MAPKAP1: variants seen among roughly 807,000 people sequenced by gnomAD.
The protein encoded by MAPKAP1 is target of rapamycin complex 2 subunit MAPKAP1.
MAPKAP1 carries 20 observed loss-of-function variants against 65.7 expected under a neutral mutation model. That is an observed-to-expected ratio of 0.30 (90% CI 0.21 to 0.44). The LOEUF (loss-of-function observed/expected upper bound fraction) is 0.44. Among genes scored for constraint, MAPKAP1 ranks in the 20% least tolerant of loss-of-function variants. MAPKAP1 has a pLI of 1.00. For missense variants in MAPKAP1, 423 were observed against 648.0 expected, an observed-to-expected ratio of 0.65 and a Z score of 3.77; for synonymous variants, 222 against 244.3, an observed-to-expected ratio of 0.91 and a Z score of 0.85.
At chr9:125,680,378 C>A (rs929688776) in intron 1 of MAPKAP1, among the ~76,000 whole-genome samples, 1 of 152,038 alleles carries the variant, frequency 6.6e-6, no homozygotes, top group Non-Finnish European at 1.5e-5. Context: ...TCCTGGAATT[C>A]GAAAATAATT....
intron 4 of MAPKAP1, among the ~76,000 whole-genome samples, chr9:125,645,049 A>G (rs1158412206): frequency 6.6e-6 from 1 of 152,192 alleles, no homozygotes; most frequent in African/African-American, 2.4e-5. Context: ...TTGAAGACAA[A>G]CAAATTCATT....
intron 7 of MAPKAP1, among the ~76,000 whole-genome samples, chr9:125,532,910 A>T (rs1829972708): frequency 6.6e-6 from 1 of 152,254 alleles, no homozygotes; most frequent in Non-Finnish European, 1.5e-5. Flanking sequence ...GTTGATGACA[A>T]AGCAATCAGG....
Position 125,500,058 on chromosome 9 carries a change from G to A in MAPKAP1, c.1066+6252C>T, listed in dbSNP as rs528840066. Reference sequence around the variant, plus strand: ...CTGCATAGTAGTTAAAAAGAAATTGGTGAATTTATATGTGGAACAATATGA... The same window carrying A: ...CTGCATAGTAGTTAAAAAGAAATTGATGAATTTATATGTGGAACAATATGA... On this transcript the variant is annotated intron_variant, in intron 8 of 11. Coordinates refer to ENST00000265960, the MANE Select transcript of MAPKAP1 (RefSeq NM_001006617.3). Among the ~76,000 whole-genome samples the A allele has an allele frequency of 1.2e-4, 18 of 152,230 alleles. No homozygotes were observed. The South Asian group carries it at 3.5e-3, about 30-fold the overall frequency.
intron 4 of MAPKAP1, among the ~76,000 whole-genome samples, chr9:125,622,190 G>A (rs1031702084): frequency 2.4e-4 from 37 of 152,288 alleles, no homozygotes; most frequent in African/African-American, 8.4e-4. Flanking sequence ...TAGCTAGATA[G>A]GAGGAATGAG....
Position 125,447,723 on chromosome 9 carries a change from G to C in MAPKAP1, c.1346-3125C>G, listed in dbSNP as rs1338266891. Among the ~76,000 whole-genome samples the C allele has an allele frequency of 6.6e-6, 1 of 152,162 alleles. No homozygotes were observed. The highest frequency in any genetic ancestry group is 1.5e-5 in the Non-Finnish European group (1 of 68,036). ...GATGAGCGTGAAGAAGGTAAACGCA[G>C]GGAGCTGCCGTGGAGACACCAAGGC... On this transcript the variant is annotated intron_variant, in intron 10 of 11. Coordinates refer to ENST00000265960, the MANE Select transcript of MAPKAP1 (RefSeq NM_001006617.3). The surrounding 1 kb of genome is among the most constrained non-coding windows in gnomAD (Gnocchi z 4.5).
intron 7 of MAPKAP1, among the ~76,000 whole-genome samples, chr9:125,533,869 T>C (rs7850875): frequency 0.02 from 3,038 of 152,356 alleles, 48 homozygotes; most frequent in Middle Eastern, 0.041. Context: ...TCAAACAAGA[T>C]TGTTCACTGC....
At chr9:125,630,134 C>T (rs143791652) in intron 4 of MAPKAP1, among the ~76,000 whole-genome samples, 2 of 152,118 alleles carry the variant, frequency 1.3e-5, no homozygotes, top group East Asian at 3.9e-4. Flanking sequence ...ATCTCTGAGA[C>T]AGTCAAGGGT....
At chr9:125,611,545 T>C (rs1199056980) in intron 4 of MAPKAP1, among the ~76,000 whole-genome samples, 2 of 152,180 alleles carry the variant, frequency 1.3e-5, no homozygotes, top group African/African-American at 4.8e-5. Context: ...TTTTCCAGAA[T>C]GATGAAAGAC....
chr9:125,673,525 CTG>C lies in MAPKAP1; in HGVS notation c.-69-884_-69-883del, dbSNP rs1383983270. Among the ~76,000 whole-genome samples the C allele has an allele frequency of 7.9e-5, 12 of 152,214 alleles. No homozygotes were observed. The East Asian group carries it at 1.7e-3, about 22-fold the overall frequency. On this transcript the variant is annotated intron_variant, in intron 1 of 11. Transcript: ENST00000265960. The stretch of plus-strand genomic sequence containing the variant: ...ACAGGCGTGAGCCACCATGCCTGGC[CTG>C]TGTTTTTAAAATAAAATTTATAATC...
intron 4 of MAPKAP1, among the ~76,000 whole-genome samples, chr9:125,614,566 A>T (rs1466897260): frequency 1.3e-5 from 2 of 152,218 alleles, no homozygotes; most frequent in Non-Finnish European, 2.9e-5. Flanking sequence ...TGGAGGTTGC[A>T]GTGAGCCAAG....
At chr9:125,546,894 C>G (rs1830441526) in intron 6 of MAPKAP1, among the ~76,000 whole-genome samples, 1 of 152,148 alleles carries the variant, frequency 6.6e-6, no homozygotes, top group Non-Finnish European at 1.5e-5. Flanking sequence ...GCCTCAGGGA[C>G]AGACAACCTG....
chr9:125,554,369 T>C (rs544002343), intron 6 of MAPKAP1, among the ~76,000 whole-genome samples: 82 of 152,178 alleles, frequency 5.4e-4, no homozygotes, highest in African/African-American at 1.9e-3. Flanking sequence ...TTACCTAGGA[T>C]GGAGGAAGGG....
intron 7 of MAPKAP1, among the ~76,000 whole-genome samples, chr9:125,508,425 G>A (rs1185686956): frequency 1.3e-5 from 2 of 152,190 alleles, no homozygotes; most frequent in Non-Finnish European, 2.9e-5. Flanking sequence ...TGCTTTCTAA[G>A]ATAATGGCCT....
intron 7 of MAPKAP1, chr9:125,521,443 T>C: frequency 1.8e-6 from 2 of 1,142,180 alleles, no homozygotes; most frequent in Non-Finnish European, 1.1e-6. Flanking sequence ...CAGTTATCTG[T>C]TGCTCTGTAA....
At chr9:125,690,582 A>G (rs763315868) in intron 1 of MAPKAP1, among the ~76,000 whole-genome samples, 5 of 152,234 alleles carry the variant, frequency 3.3e-5, no homozygotes, top group Non-Finnish European at 7.3e-5. Context: ...GACTGAATGA[A>G]TTAATACATG....
intron 6 of MAPKAP1, among the ~76,000 whole-genome samples, chr9:125,545,120 C>T (rs1830382968): frequency 6.6e-6 from 1 of 152,244 alleles, no homozygotes; most frequent in Non-Finnish European, 1.5e-5. Context: ...TTACTGAACA[C>T]TCTGTTACTG....
rs7867589 is a variant in MAPKAP1 at position 125,482,081 on chromosome 9, G to A, written c.1207+2362C>T. On this transcript the variant is annotated intron_variant, in intron 9 of 11. Coordinates refer to ENST00000265960, the MANE Select transcript of MAPKAP1 (RefSeq NM_001006617.3). ...CAGGAGGCAGGGGCTGCAGTGAGCCGAGATCAAGTCATTGCACTCCAGCCT... is the reference window on the plus strand; with the variant it reads ...CAGGAGGCAGGGGCTGCAGTGAGCCAAGATCAAGTCATTGCACTCCAGCCT... Among the ~76,000 whole-genome samples the A allele has an allele frequency of 6.8e-3, 984 of 145,414 alleles. 14 individuals carry two copies. Among genetic ancestry groups the A allele is most frequent in the African/African-American group, 0.023 (909 of 39,230 alleles).
intron 7 of MAPKAP1, among the ~76,000 whole-genome samples, chr9:125,513,918 T>C (rs1829384047): frequency 6.6e-6 from 1 of 152,148 alleles, no homozygotes; most frequent in African/African-American, 2.4e-5. Flanking sequence ...AGAGACTTGC[T>C]CAGCAGCCAG....
chr9:125,676,081 T>C (rs1483734748), intron 1 of MAPKAP1, among the ~76,000 whole-genome samples: 1 of 152,160 alleles, frequency 6.6e-6, no homozygotes, highest in Admixed American at 6.5e-5. Flanking sequence ...TGATCAGTTG[T>C]GCACAGATCA....
Sources: allele counts gnomAD v4.1 joint callset (sites outside exome capture counted in the v4.1 genomes callset), GRCh38; gene constraint gnomAD v4.1.1; non-coding constraint Gnocchi (gnomAD v3.1); transcripts MANE v1.5; gene names NCBI Gene and HGNC (gene_info 2026-07-23, HGNC 2026-07-21).